RGS6: variants seen among roughly 807,000 people sequenced by gnomAD.
RGS6 encodes regulator of G-protein signaling 6.
RGS6 carries 30 observed loss-of-function variants against 78.5 expected under a neutral mutation model. The observed-to-expected ratio is 0.38, with a 90% CI of 0.29 to 0.52. RGS6 has a LOEUF of 0.52. Ranked by LOEUF, RGS6 falls within the 20% of genes least tolerant of loss-of-function variation. The pLI is 0.85. For synonymous variants in RGS6, 206 were observed against 206.0 expected (o/e 1.00, Z 0.00); for missense variants, 495 against 609.7 (o/e 0.81, Z 1.98).
intron 3 of RGS6, among the ~76,000 whole-genome samples, chr14:72,427,418 A>G (rs1389270761): frequency 6.6e-6 from 1 of 152,240 alleles, no homozygotes; most frequent in Non-Finnish European, 1.5e-5. Flanking sequence ...CCTTGTGGAT[A>G]AACAGAGACT....
At chr14:72,568,728 C>G (rs2097716908), downstream of RGS6, among the ~76,000 whole-genome samples, 1 of 152,246 alleles carries the variant, frequency 6.6e-6, no homozygotes, top group Non-Finnish European at 1.5e-5. Context: ...GACCTCATGG[C>G]TACTTCCGTG....
intron 1 of RGS6, among the ~76,000 whole-genome samples, chr14:71,954,844 T>C (rs543451338): frequency 4.6e-5 from 7 of 152,254 alleles, no homozygotes; most frequent in Non-Finnish European, 1.0e-4. Context: ...ACATTTTTCA[T>C]CATAGTTATT....
At chr14:72,270,638 G>A (rs2059796715) in intron 2 of RGS6, among the ~76,000 whole-genome samples, 1 of 152,216 alleles carries the variant, frequency 6.6e-6, no homozygotes, top group Non-Finnish European at 1.5e-5. Flanking sequence ...TTCCACTGTG[G>A]CAACAATAGT....
intron 2 of RGS6, among the ~76,000 whole-genome samples, chr14:72,297,757 T>A (rs113911943): frequency 0.016 from 2,422 of 151,878 alleles, 70 homozygotes; most frequent in African/African-American, 0.056. Context: ...TCATTCTCGG[T>A]ATATATTATT....
At chr14:71,907,554 G>A in the RGS6 span, among the ~76,000 whole-genome samples, 4 of 152,088 alleles carry the variant, frequency 2.6e-5, no homozygotes, top group East Asian at 7.7e-4. Flanking sequence ...GTCCTTGCTT[G>A]TAGACCATGT....
At chr14:72,193,547 T>C (rs763306437) in intron 2 of RGS6, among the ~76,000 whole-genome samples, 2 of 152,220 alleles carry the variant, frequency 1.3e-5, no homozygotes, top group South Asian at 2.1e-4. Context: ...CACAGATCCC[T>C]GCCCTCCTGG....
At chr14:72,293,269 C>T (rs2063983261) in intron 2 of RGS6, among the ~76,000 whole-genome samples, 1 of 152,194 alleles carries the variant, frequency 6.6e-6, no homozygotes, top group Non-Finnish European at 1.5e-5. Flanking sequence ...AATTGTGTTT[C>T]ATCTCCAGTT....
chr14:71,994,134 A>AGG (rs1158792861), intron 2 of RGS6, among the ~76,000 whole-genome samples: 1 of 152,196 alleles, frequency 6.6e-6, no homozygotes, highest in East Asian at 1.9e-4. Flanking sequence ...GACCTGATCC[A>AGG]AACACAGTTT....
At chr14:72,548,938 G>A (rs1170101842) in intron 17 of RGS6, among the ~76,000 whole-genome samples, 1 of 152,244 alleles carries the variant, frequency 6.6e-6, no homozygotes, top group Non-Finnish European at 1.5e-5. Flanking sequence ...GCCAAGGATA[G>A]TGCAGAGTAG....
chr14:72,160,786 A>C (rs1410190653), intron 2 of RGS6, among the ~76,000 whole-genome samples: 4 of 152,212 alleles, frequency 2.6e-5, no homozygotes, highest in African/African-American at 4.8e-5. Context: ...TGACACCTTG[A>C]CTTTGAACTT....
chr14:72,357,824 C>T (rs987443500), intron 3 of RGS6, among the ~76,000 whole-genome samples: 9 of 152,128 alleles, frequency 5.9e-5, no homozygotes, highest in African/African-American at 2.2e-4. Flanking sequence ...TAAGGAGGAA[C>T]CAAATGTTAA....
intron 2 of RGS6, among the ~76,000 whole-genome samples, chr14:72,255,073 C>T (rs2056781659): frequency 6.6e-6 from 1 of 152,120 alleles, no homozygotes. Flanking sequence ...TCAGCGGAAG[C>T]ACAGAGTGAG....
intron 14 of RGS6, among the ~76,000 whole-genome samples, chr14:72,515,172 G>C (rs1458654225): frequency 6.6e-6 from 1 of 152,068 alleles, no homozygotes; most frequent in Non-Finnish European, 1.5e-5. Flanking sequence ...TGTGTGCAGG[G>C]AGAGAAAACT....
chr14:72,378,458 G>A (rs1475168218), intron 3 of RGS6, among the ~76,000 whole-genome samples: 1 of 151,762 alleles, frequency 6.6e-6, no homozygotes, highest in Non-Finnish European at 1.5e-5. Context: ...AAAACCTTTA[G>A]CTACACAATG....
intron 2 of RGS6, among the ~76,000 whole-genome samples, chr14:72,181,726 A>G (rs2097175684): frequency 2.0e-5 from 3 of 152,234 alleles, no homozygotes; most frequent in Non-Finnish European, 2.9e-5. Flanking sequence ...ATAACCTTGA[A>G]TACTAGTAAG....
chr14:72,447,288 T>C (rs1226315917), intron 3 of RGS6, among the ~76,000 whole-genome samples: 1 of 152,168 alleles, frequency 6.6e-6, no homozygotes, highest in Admixed American at 6.5e-5. Flanking sequence ...CTGCCCTCAC[T>C]TCCGGGAAAT....
intron 2 of RGS6, among the ~76,000 whole-genome samples, chr14:72,319,350 A>ATT (rs755289519): frequency 1.3e-4 from 19 of 142,274 alleles, no homozygotes; most frequent in African/African-American, 1.8e-4. Context: ...GAAGGGGGAA[A>ATT]TTTTTTTTTT....
chr14:72,035,891 CGTT>C lies in RGS6; in HGVS notation c.84+71019_84+71021del, dbSNP rs1423175855. Among the ~76,000 whole-genome samples, 5 of 152,162 alleles carry C rather than the reference CGTT, an allele frequency of 3.3e-5. No individual in the cohort carries two copies. The East Asian group carries it at 7.7e-4, about 23-fold the overall frequency. On this transcript the variant is annotated intron_variant, in intron 2 of 17. Transcript: ENST00000553525. Reference sequence around the variant, plus strand: ...TTAAATAAACATATGGTAAAATTGACGTTGTATGTGAGTACAGTTCTATGAATT... The same window carrying C: ...TTAAATAAACATATGGTAAAATTGACGTATGTGAGTACAGTTCTATGAATT...
At chr14:71,966,241 C>G (rs983019675) in intron 2 of RGS6, among the ~76,000 whole-genome samples, 1 of 152,142 alleles carries the variant, frequency 6.6e-6, no homozygotes. Context: ...CAATGTGGAA[C>G]TAGATATTCC....
Sources: gnomAD v4.1 joint callset for allele counts (sites outside exome capture counted in the v4.1 genomes callset) on GRCh38, gnomAD v4.1.1 for gene constraint, MANE v1.5 for transcripts, NCBI Gene and HGNC (gene_info 2026-07-23, HGNC 2026-07-21) for gene names.